Variants in SCN2A observed in about 807,000 individuals in gnomAD.
The protein encoded by SCN2A is sodium channel protein type 2 subunit alpha.
A neutral mutation model predicts 188.7 loss-of-function variants in SCN2A; 20 were observed. The ratio of observed to expected loss-of-function variants is 0.11; its 90% CI spans 0.07 to 0.15. SCN2A has a LOEUF of 0.15. Ranked by LOEUF, SCN2A falls within the 10% of genes least tolerant of loss-of-function variation. The pLI is 1.00. For synonymous variants in SCN2A, 804 were observed against 833.1 expected (o/e 0.97, Z 0.60); for missense variants, 1,278 against 2,445.0 (o/e 0.52, Z 10.07).
chr2:165,321,231 C>T (rs1410808769), intron 11 of SCN2A, among the ~76,000 whole-genome samples: 1 of 152,176 alleles, frequency 6.6e-6, no homozygotes, highest in Non-Finnish European at 1.5e-5. Flanking sequence ...ACAAGTTCCT[C>T]ATCTCCATGA....
intron 5 of SCN2A, 32 bp from the exon 6 acceptor site, chr2:165,309,320 C>T (rs1297623416): frequency 6.2e-7 from 1 of 1,613,364 alleles, no homozygotes; most frequent in African/African-American, 1.3e-5. Context: ...TGTGTTCTGT[C>T]ATTGTGTTTG....
At chr2:165,259,095 A>G (rs915378496) in intron 1 of SCN2A, among the ~76,000 whole-genome samples, 1 of 152,272 alleles carries the variant, frequency 6.6e-6, no homozygotes. Flanking sequence ...ATTTAAAAAA[A>G]GACCTATGTT....
Position 165,370,167 on chromosome 2 carries a change from G to A in SCN2A, c.3717G>A (p.Lys1239=). 1 of 1,614,058 alleles carries A rather than the reference G, an allele frequency of 6.2e-7. No homozygotes were observed. Among genetic ancestry groups the A allele is most frequent in the Middle Eastern group, 1.7e-4 (1 of 6,060 alleles). ...ACATTGAGCAGCGAAAAACCATTAA[G>A]ACCATGTTAGAATATGCTGACAAGG... ...DIYIEQRKTI[K]TMLEYADKVF... Residue 1239 remains lysine, a synonymous_variant, in exon 20 of 27, where the codon AAG becomes AAA. Transcript: ENST00000375437.
chr2:165,337,470 C>T (rs762920131), intron 14 of SCN2A, among the ~76,000 whole-genome samples: 1 of 152,078 alleles, frequency 6.6e-6, no homozygotes, highest in Non-Finnish European at 1.5e-5. Context: ...CTTAATGTTA[C>T]CTTATAAAAT....
chr2:165,380,900 G>A (rs1313199383), intron 24 of SCN2A, 171 bp downstream of exon 24: 3 of 704,600 alleles, frequency 4.3e-6, no homozygotes, highest in Non-Finnish European at 7.1e-6. Flanking sequence ...CAGATAGCAT[G>A]TTTTTGATAT....
intron 25 of SCN2A, among the ~76,000 whole-genome samples, chr2:165,386,051 A>C (rs1421203637): frequency 6.6e-6 from 1 of 152,200 alleles, no homozygotes; most frequent in Non-Finnish European, 1.5e-5. Context: ...ACAATATACA[A>C]AATTTTCTTC....
At chr2:165,342,181 C>A in intron 14 of SCN2A, 115 bp from the exon 15 acceptor site, 1 of 1,011,796 alleles carries the variant, frequency 9.9e-7, no homozygotes, top group Non-Finnish European at 1.5e-6. Context: ...GGACCTAAAC[C>A]AATTTTTTAA....
chr2:165,286,930 T>G (rs1695862804), intron 1 of SCN2A, among the ~76,000 whole-genome samples: 1 of 152,164 alleles, frequency 6.6e-6, no homozygotes, highest in African/African-American at 2.4e-5. Flanking sequence ...TGTTTCCCAT[T>G]TTACCATCCT....
At chr2:165,378,660 C>A (rs529575266) in intron 23 of SCN2A, among the ~76,000 whole-genome samples, 1 of 151,786 alleles carries the variant, frequency 6.6e-6, no homozygotes, top group Non-Finnish European at 1.5e-5. Context: ...TGGTTCTTAC[C>A]TTTTTGATTA....
intron 13 of SCN2A, among the ~76,000 whole-genome samples, chr2:165,329,738 A>G (rs1340573745): frequency 6.6e-6 from 1 of 152,186 alleles, no homozygotes; most frequent in East Asian, 1.9e-4. Context: ...TATTTACTGT[A>G]AATAATAATA....
At chr2:165,281,756 T>C (rs987312591) in intron 1 of SCN2A, among the ~76,000 whole-genome samples, 1 of 152,162 alleles carries the variant, frequency 6.6e-6, no homozygotes, top group African/African-American at 2.4e-5. Context: ...ATTTAGACAT[T>C]ATTACCAGGG....
In SCN2A at chr2:165,326,967, T is replaced by G; in HGVS notation, c.2132T>G (p.Leu711Trp). ...AGAGCAATGAGTATAGCCAGTATTT[T>G]GACCAACACCATGGAAGGTATGTTA... is the stretch of plus-strand genomic sequence containing the variant. The part of the protein sequence containing the change: ...RQRAMSIASI[L>W]TNTMEELEES... The change falls in exon 13 of 27, where the codon TTG (leucine) becomes TGG (tryptophan). Residue 711 changes from leucine to tryptophan, a missense_variant. Physicochemically the swap from Leu to Trp is moderately conservative, Grantham distance 61. Transcript: ENST00000375437. 6.2e-7 allele frequency: 1 copy of G among 1,614,032 alleles called. No homozygotes were observed. Among genetic ancestry groups the G allele is most frequent in the Non-Finnish European group, 8.5e-7 (1 of 1,179,920 alleles).
chr2:165,319,240 G>A (rs1248578060), intron 11 of SCN2A, among the ~76,000 whole-genome samples: 1 of 152,140 alleles, frequency 6.6e-6, no homozygotes, highest in Non-Finnish European at 1.5e-5. Context: ...GGGAGGCTGA[G>A]GCAGGAGAAT....
chr2:165,338,878 A>G (rs1035693099), intron 14 of SCN2A, among the ~76,000 whole-genome samples: 3 of 152,186 alleles, frequency 2.0e-5, no homozygotes, highest in African/African-American at 7.2e-5. Flanking sequence ...ACTGTCAGTA[A>G]ACTAGGAATA....
At chr2:165,350,373 A>G (rs1312793195) in intron 16 of SCN2A, among the ~76,000 whole-genome samples, 1 of 152,010 alleles carries the variant, frequency 6.6e-6, no homozygotes, top group South Asian at 2.1e-4. Flanking sequence ...GAGACACAAG[A>G]AAGAGTTGAT....
intron 16 of SCN2A, 22 bp downstream of exon 16, chr2:165,344,933 C>G: frequency 6.2e-7 from 1 of 1,613,368 alleles, no homozygotes. Flanking sequence ...AAACATTTTC[C>G]TCATTTTCAT....
rs943630443 is a variant in SCN2A at position 165,331,911 on chromosome 2, T to C, written c.2388+343T>C. On this transcript the variant is annotated intron_variant, in intron 14 of 26. Transcript: ENST00000375437. ...GACATGTCTGTGTTTACTAAACAAATGATAAAATATGCCCAAGTCAGATAA... is the reference window on the plus strand; with the variant it reads ...GACATGTCTGTGTTTACTAAACAAACGATAAAATATGCCCAAGTCAGATAA... 9.9e-5 allele frequency among the ~76,000 whole-genome samples: 15 copies of C among 152,198 alleles called. No individual in the cohort carries two copies. The East Asian group carries it at 2.1e-3, about 22-fold the overall frequency.
chr2:165,361,884 A>G (rs1490214829), intron 17 of SCN2A, among the ~76,000 whole-genome samples: 1 of 152,068 alleles, frequency 6.6e-6, no homozygotes, highest in Admixed American at 6.6e-5. Context: ...TGGTTTTAAG[A>G]CAATACTCCT....
intron 1 of SCN2A, among the ~76,000 whole-genome samples, chr2:165,279,320 A>G (rs1695483793): frequency 6.6e-6 from 1 of 152,178 alleles, no homozygotes; most frequent in Non-Finnish European, 1.5e-5. Flanking sequence ...TGAGATAGGG[A>G]AGACAATTCA....
Sources: allele counts gnomAD v4.1 joint callset (sites outside exome capture counted in the v4.1 genomes callset), GRCh38; gene constraint gnomAD v4.1.1; transcripts MANE v1.5; gene names NCBI Gene and HGNC (gene_info 2026-07-23, HGNC 2026-07-21).